Variants in TNIP1 observed in about 807,000 individuals in gnomAD.
The protein encoded by TNIP1 is TNFAIP3-interacting protein 1.
A neutral mutation model predicts 86.6 loss-of-function variants in TNIP1; 22 were observed. The ratio of observed to expected loss-of-function variants is 0.25; its 90% CI spans 0.18 to 0.36. The LOEUF is 0.36. Among genes scored for constraint, TNIP1 ranks in the 10% least tolerant of loss-of-function variants. The pLI is 1.00. For missense variants in TNIP1, 709 were observed against 820.6 expected (o/e 0.86, Z 1.66); for synonymous variants, 294 against 313.0 (o/e 0.94, Z 0.64).
At chr5:151,041,353 G>C (rs927903440) in intron 11 of TNIP1, among the ~76,000 whole-genome samples, 2 of 152,090 alleles carry the variant, frequency 1.3e-5, no homozygotes, top group Non-Finnish European at 2.9e-5. Flanking sequence ...TTACAGGCAT[G>C]AGCCACCATG....
chr5:151,052,331 T>C, intron 6 of TNIP1, 72 bp from the exon 7 acceptor site: 1 of 1,326,924 alleles, frequency 7.5e-7, no homozygotes, highest in Non-Finnish European at 1.1e-6. Context: ...AGCTAGAGGA[T>C]GGTGGGGGGC....
chr5:151,039,056 T>TCAAGGGAGCCCAGC, intron 12 of TNIP1, 41 bp downstream of exon 12: 1 of 1,596,394 alleles, frequency 6.3e-7, no homozygotes, highest in East Asian at 2.2e-5. Flanking sequence ...GCAGCTGGAC[T>TCAAGGGAGCCCAGC]CAAGGGAGCC....
chr5:151,061,148 T>C lies in TNIP1; in HGVS notation c.358-753A>G, dbSNP rs115373826. Among the ~76,000 whole-genome samples, 583 of 152,302 alleles carry C rather than the reference T, an allele frequency of 3.8e-3. 2 individuals are homozygous for C. The highest frequency in any genetic ancestry group is 0.014 in the African/African-American group (568 of 41,560). On this transcript the variant is annotated intron_variant, in intron 4 of 17. Coordinates refer to ENST00000521591, the MANE Select transcript of TNIP1 (RefSeq NM_006058.5). The stretch of plus-strand genomic sequence containing the variant: ...GTCATTCAACCAACCAAGAAGCCAA[T>C]GGCCCACCTGAACCAGCCATTAGCT...
intron 9 of TNIP1, 72 bp from the exon 10 acceptor site, chr5:151,043,033 T>C: frequency 6.7e-7 from 1 of 1,491,148 alleles, no homozygotes; most frequent in Non-Finnish European, 9.3e-7. Context: ...CTGCCCCATG[T>C]ACACCAGCGT....
chr5:151,035,792 C>A, intron 13 of TNIP1, 85 bp from the exon 14 acceptor site: 1 of 1,558,176 alleles, frequency 6.4e-7, no homozygotes, highest in Non-Finnish European at 8.7e-7. Flanking sequence ...ATGCCTCCTG[C>A]TGGGGTCACA....
chr5:151,043,326 T>C (rs1758697020), intron 9 of TNIP1, among the ~76,000 whole-genome samples: 1 of 152,124 alleles, frequency 6.6e-6, no homozygotes, highest in African/African-American at 2.4e-5. Context: ...ATTTAACCAA[T>C]AGAAACACTT....
intron 15 of TNIP1, chr5:151,034,346 T>C (rs556791642): frequency 4.4e-4 from 127 of 291,254 alleles, no homozygotes; most frequent in African/African-American, 2.7e-3. Flanking sequence ...GGCTGGTACA[T>C]AGACACGGAA....
chr5:151,035,047 C>T lies in TNIP1; in HGVS notation c.1542G>A (p.Glu514=). ...GTCTGAGGGCTTCTCTTGCCTTCTC[C>T]TCATCTTTGAATGCTTTTAGCTGAG... is the stretch of plus-strand genomic sequence containing the variant. ...SNAQLKAFKD[E]EKAREALRQQ... is the part of the protein sequence containing the mutation. The change falls in exon 15 of 18, where the codon GAG becomes GAA. Residue 514 remains glutamate (E), a synonymous_variant. Coordinates refer to ENST00000521591, the MANE Select transcript of TNIP1 (RefSeq NM_006058.5). 4 of 1,614,076 alleles carry T rather than the reference C, an allele frequency of 2.5e-6. No individual in the cohort carries two copies. The highest frequency in any genetic ancestry group is 3.4e-6 in the Non-Finnish European group (4 of 1,179,996).
intron 1 of TNIP1, among the ~76,000 whole-genome samples, chr5:151,075,958 G>A (rs1326171682): frequency 6.6e-6 from 1 of 152,192 alleles, no homozygotes; most frequent in Non-Finnish European, 1.5e-5. Flanking sequence ...CCCTGCCTGG[G>A]CTGCCCGGTT....
rs1761875673 is a variant in TNIP1, at chr5:151,063,676, T to C, written c.208A>G (p.Asn70Asp). ...RQKAEELVKD[N>D]ELLPPPSPSL... ...GGAGAAGGTGGTGGGAGCAGCTCGT[T>C]GTCCTTCACTAGCTCCTCTGCCTTC... The change falls in exon 3 of 18, where the codon AAC (asparagine) becomes GAC (aspartate). Residue 70 changes from asparagine to aspartate, a missense_variant. Physicochemically the swap from Asn to Asp is conservative, Grantham distance 23 (BLOSUM62 1). Transcript: ENST00000521591. 1 of 1,613,962 alleles carries C rather than the reference T, an allele frequency of 6.2e-7. No homozygotes were observed. Among genetic ancestry groups the C allele is most frequent in the Non-Finnish European group, 8.5e-7 (1 of 1,180,006 alleles).
In TNIP1 at chr5:151,056,893, G is replaced by A. The variant is rs781359678; in HGVS notation, c.500C>T (p.Thr167Met). The A allele has an allele frequency of 6.2e-7, 1 of 1,601,380 alleles. No individual in the cohort carries two copies. Among genetic ancestry groups the A allele is most frequent in the South Asian group, 1.1e-5 (1 of 89,496 alleles). ...CGGCTCCTCGGCACACACACTCAGC[G>A]TGGTCTCCAGGCGCTGCAGGTGCAG... Reference protein sequence around the residue: ...LMLHLQRLETTLSVCAEEPDH... With the variant: ...LMLHLQRLETMLSVCAEEPDH... Residue 167 changes from threonine (T) to methionine (M), a missense_variant, in exon 6 of 18, where the codon ACG becomes ATG. Physicochemically the swap from Thr to Met is moderately conservative, Grantham distance 81. Coordinates refer to ENST00000521591, the MANE Select transcript of TNIP1 (RefSeq NM_006058.5).
Position 151,049,893 on chromosome 5 carries a change from A to G in TNIP1, c.777T>C (p.Gly259=), listed in dbSNP as rs1444962366. The change falls in exon 8 of 18, where the codon GGT becomes GGC. Residue 259 remains glycine, a synonymous_variant. Transcript: ENST00000521591. The part of the protein sequence containing the change: ...KLLMSNGNKE[G]ASGRPGSPKM... ...TCGGTGAGCCTGGCCGCCCAGACGC[A>G]CCCTCTTTGTTGCCATTGCTCATCA... is the stretch of plus-strand genomic sequence containing the variant. 1 of 1,614,052 alleles carries G rather than the reference A, an allele frequency of 6.2e-7. No homozygotes were observed. The highest frequency in any genetic ancestry group is 1.1e-5 in the South Asian group (1 of 91,074).
chr5:151,040,300 T>C (rs1352448923), intron 11 of TNIP1, among the ~76,000 whole-genome samples: 1 of 152,248 alleles, frequency 6.6e-6, no homozygotes, highest in Admixed American at 6.5e-5. Context: ...CTTTGTAGCA[T>C]GTGGACATTT....
chr5:151,084,527 G>A (rs1005767979), upstream of TNIP1, among the ~76,000 whole-genome samples: 3 of 152,148 alleles, frequency 2.0e-5, no homozygotes, highest in East Asian at 1.9e-4. Flanking sequence ...GCCAGAGAGC[G>A]GCAGGGACTT....
At chr5:151,050,180 G>A (rs1320333564) in intron 7 of TNIP1, among the ~76,000 whole-genome samples, 1 of 152,210 alleles carries the variant, frequency 6.6e-6, no homozygotes, top group Non-Finnish European at 1.5e-5. Context: ...GAATTTCTAT[G>A]CACACAAGAC....
At chr5:151,036,984 G>T (rs1757792499) in intron 12 of TNIP1, 63 bp from the exon 13 acceptor site, 1 of 1,515,646 alleles carries the variant, frequency 6.6e-7, no homozygotes, top group East Asian at 2.3e-5. Context: ...CCTTTGGAGG[G>T]GTCATCCTCA....
intron 1 of TNIP1, among the ~76,000 whole-genome samples, chr5:151,077,449 T>G (rs1763515932): frequency 6.6e-6 from 1 of 152,236 alleles, no homozygotes; most frequent in South Asian, 2.1e-4. Flanking sequence ...AGCGACCCTG[T>G]ACCAAGCGCT....
intron 1 of TNIP1, among the ~76,000 whole-genome samples, chr5:151,068,714 A>G (rs1762511838): frequency 6.6e-6 from 1 of 152,164 alleles, no homozygotes; most frequent in South Asian, 2.1e-4. Flanking sequence ...CTGGGACCAG[A>G]AGATCCCTGC....
upstream of TNIP1, among the ~76,000 whole-genome samples, chr5:151,087,328 C>A (rs1418867651): frequency 6.6e-6 from 1 of 152,214 alleles, no homozygotes; most frequent in Admixed American, 6.5e-5. Context: ...TGTCACTTCC[C>A]AGACTGGCTG....
Sources: gnomAD v4.1 joint callset for allele counts (sites outside exome capture counted in the v4.1 genomes callset) on GRCh38, gnomAD v4.1.1 for gene constraint, MANE v1.5 for transcripts, NCBI Gene and HGNC (gene_info 2026-07-23, HGNC 2026-07-21) for gene names.